Variants in METTL15 observed in about 807,000 individuals in gnomAD.
METTL15 encodes methyltransferase 15, mitochondrial 12S rRNA N4-cytidine, also known as 12S rRNA N(4)-cytidine methyltransferase METTL15.
Under a neutral mutation model 38.3 loss-of-function variants are expected in METTL15, and 34 were observed. The ratio of observed to expected loss-of-function variants is 0.89; its 90% CI spans 0.68 to 1.18. METTL15 has a LOEUF of 1.18. Ranked by LOEUF, METTL15 falls within the 50% of genes most tolerant of loss-of-function variation. The pLI is 0.00. For synonymous variants in METTL15, 162 were observed against 170.9 expected (o/e 0.95, Z 0.41); for missense variants, 438 against 498.4 (o/e 0.88, Z 1.15).
intron 3 of METTL15, among the ~76,000 whole-genome samples, chr11:28,180,575 CAT>C (rs1171095392): frequency 6.6e-6 from 1 of 151,746 alleles, no homozygotes; most frequent in East Asian, 1.9e-4. Flanking sequence ...TTATCAGAAA[CAT>C]ATTTAACAAA....
chr11:28,400,505 A>G (rs533878154), intron 5 of METTL15, among the ~76,000 whole-genome samples: 2 of 152,058 alleles, frequency 1.3e-5, no homozygotes, highest in African/African-American at 4.8e-5. Context: ...TGAGCAAACA[A>G]AGGAGATCTG....
intron 3 of METTL15, among the ~76,000 whole-genome samples, chr11:28,116,714 T>C (rs923659658): frequency 1.8e-4 from 27 of 152,236 alleles, no homozygotes; most frequent in Non-Finnish European, 3.5e-4. Context: ...CCTCAGGCAG[T>C]ATACACAGGC....
chr11:28,354,609 A>G (rs960961072), intron 4 of METTL15, among the ~76,000 whole-genome samples: 3 of 151,946 alleles, frequency 2.0e-5, no homozygotes, highest in Non-Finnish European at 4.4e-5. Context: ...GCAGTGGATG[A>G]AAAAAAACCC....
At chr11:28,460,411 T>C (rs1402023702) in intron 6 of METTL15, among the ~76,000 whole-genome samples, 2 of 152,082 alleles carry the variant, frequency 1.3e-5, no homozygotes, top group Non-Finnish European at 2.9e-5. Flanking sequence ...GGTATCCAAA[T>C]TGGGCCTAGC....
chr11:28,331,315 A>C lies in METTL15; in HGVS notation c.*474A>C, dbSNP rs1407981869. The C allele has an allele frequency of 6.9e-6, 1 of 145,708 alleles. No homozygotes were observed. Among genetic ancestry groups the C allele is most frequent in the Non-Finnish European group, 1.5e-5 (1 of 66,472 alleles). The allele number at this position is 145,708 out of a possible 1,614,324, so 9.0% of individuals were successfully genotyped here. ...TACTTGTGAATAATTAGCTTTCTCAAATGTAGGCTTTTTACAAATTTTAAA... is the reference window on the plus strand; with the variant it reads ...TACTTGTGAATAATTAGCTTTCTCACATGTAGGCTTTTTACAAATTTTAAA... On this transcript the variant is annotated 3_prime_UTR_variant, in exon 7 of 7. Coordinates refer to ENST00000407364, the MANE Select transcript of METTL15 (RefSeq NM_001113528.2).
chr11:28,181,401 T>A lies in METTL15; in HGVS notation c.271-29661T>A, dbSNP rs1218253826. On this transcript the variant is annotated intron_variant, in intron 3 of 6. Coordinates refer to ENST00000407364, the MANE Select transcript of METTL15 (RefSeq NM_001113528.2). ...TAGGTATTTCTCCTAATGCTATCCCTCCCCTAGTACCTCACCCCCTGACAG... is the reference window on the plus strand; with the variant it reads ...TAGGTATTTCTCCTAATGCTATCCCACCCCTAGTACCTCACCCCCTGACAG... Among the ~76,000 whole-genome samples, 3 of 151,868 alleles carry A rather than the reference T, an allele frequency of 2.0e-5. No homozygotes were observed. The East Asian group carries it at 5.8e-4, about 30-fold the overall frequency.
At chr11:28,427,771 G>A (rs559226711) in intron 6 of METTL15, among the ~76,000 whole-genome samples, 31 of 152,270 alleles carry the variant, frequency 2.0e-4, no homozygotes, top group South Asian at 6.2e-4. Flanking sequence ...AGCGATTTTC[G>A]CACACTGATT....
At chr11:28,157,800 C>T (rs1850315395) in intron 3 of METTL15, among the ~76,000 whole-genome samples, 1 of 152,178 alleles carries the variant, frequency 6.6e-6, no homozygotes, top group African/African-American at 2.4e-5. Flanking sequence ...CTTCTCTCCC[C>T]AAGCCTGCAC....
At chr11:28,458,178 T>C (rs1851185884) in intron 6 of METTL15, among the ~76,000 whole-genome samples, 1 of 152,224 alleles carries the variant, frequency 6.6e-6, no homozygotes, top group Admixed American at 6.5e-5. Flanking sequence ...TGGTATATAC[T>C]GTAACTGTTA....
At chr11:28,510,968 A>G (rs542076804) in intron 6 of METTL15, among the ~76,000 whole-genome samples, 3 of 152,220 alleles carry the variant, frequency 2.0e-5, no homozygotes, top group Non-Finnish European at 2.9e-5. Flanking sequence ...GGATGACTTT[A>G]TGAGACACAC....
At chr11:28,308,892 G>GATAGATAGA in intron 6 of METTL15, among the ~76,000 whole-genome samples, 1 of 146,896 alleles carries the variant, frequency 6.8e-6, no homozygotes, top group Non-Finnish European at 1.5e-5. Flanking sequence ...AGGTAGGTAG[G>GATAGATAGA]TAGATAGATA....
intron 5 of METTL15, among the ~76,000 whole-genome samples, chr11:28,414,189 T>C (rs1388690813): frequency 6.6e-6 from 1 of 152,140 alleles, no homozygotes; most frequent in African/African-American, 2.4e-5. Context: ...GCAGTGTTAC[T>C]GCTCAGGAGC....
intron 3 of METTL15, among the ~76,000 whole-genome samples, chr11:28,166,060 A>T (rs1850647978): frequency 6.6e-6 from 1 of 152,150 alleles, no homozygotes; most frequent in Admixed American, 6.6e-5. Flanking sequence ...TATATTTTGA[A>T]ATCTGGGAAT....
chr11:28,239,013 C>A (rs1238713950), intron 4 of METTL15, among the ~76,000 whole-genome samples: 1 of 151,912 alleles, frequency 6.6e-6, no homozygotes, highest in African/African-American at 2.4e-5. Flanking sequence ...TGTGTGCCTT[C>A]TTTTGCCCTA....
At chr11:28,130,534 A>AT (rs1852719005) in intron 3 of METTL15, among the ~76,000 whole-genome samples, 1 of 152,140 alleles carries the variant, frequency 6.6e-6, no homozygotes, top group African/African-American at 2.4e-5. Flanking sequence ...TGAGTACTGG[A>AT]TCTTTAAAGA....
At chr11:28,287,535 G>A (rs1856329344) in intron 4 of METTL15, 4 of 333,526 alleles carry the variant, frequency 1.2e-5, no homozygotes, top group Admixed American at 3.7e-5. Context: ...CAATAACTTC[G>A]GAGCTCGGCC....
rs544059995 is a variant in METTL15 at position 28,242,360 on chromosome 11, T to G, written c.407+31162T>G. ...CACTGTATTCTCAGTGCTCAAAGTT[T>G]GTTTCTTGAATTAAATTTAAAAAGC... is the stretch of plus-strand genomic sequence containing the variant. On this transcript the variant is annotated intron_variant, in intron 4 of 6. Transcript: ENST00000407364. Among the ~76,000 whole-genome samples, 6 of 152,302 alleles carry G rather than the reference T, an allele frequency of 3.9e-5. No individual in the cohort carries two copies. The East Asian group carries it at 1.2e-3, about 29-fold the overall frequency.
chr11:28,220,216 G>C (rs1177599302), intron 4 of METTL15, among the ~76,000 whole-genome samples: 2 of 151,846 alleles, frequency 1.3e-5, no homozygotes, highest in Non-Finnish European at 2.9e-5. Context: ...GTAGGTCTCT[G>C]AGGACTTGCT....
intron 6 of METTL15, among the ~76,000 whole-genome samples, chr11:28,510,475 T>G (rs1222685504): frequency 6.6e-6 from 1 of 152,162 alleles, no homozygotes; most frequent in Admixed American, 6.5e-5. Flanking sequence ...GTGAGTTTGG[T>G]CATTTGAGTA....
Sources: gnomAD v4.1 joint callset for allele counts (sites outside exome capture counted in the v4.1 genomes callset) on GRCh38, gnomAD v4.1.1 for gene constraint, MANE v1.5 for transcripts, NCBI Gene and HGNC (gene_info 2026-07-23, HGNC 2026-07-21) for gene names.